ELP4: variants seen among roughly 807,000 people sequenced by gnomAD.
The protein encoded by ELP4 is elongator acetyltransferase complex subunit 4, also known as elongator complex protein 4.
In ELP4, 51 loss-of-function variants were observed where a neutral mutation model predicts 48.9. That is an observed-to-expected ratio of 1.04 (90% CI 0.83 to 1.32). The LOEUF is 1.32. Ranked by LOEUF, ELP4 falls within the 40% of genes most tolerant of loss-of-function variation. The pLI is 0.00. For missense variants in ELP4, 519 were observed against 514.6 expected (o/e 1.01, Z -0.08); for synonymous variants, 210 against 189.2 (o/e 1.11, Z -0.90).
chr11:31,761,861 C>G (rs1484674514), intron 9 of ELP4: 1 of 152,154 alleles, frequency 6.6e-6, no homozygotes, highest in Non-Finnish European at 1.5e-5. Flanking sequence ...ATACACAGAG[C>G]TCAGTTGGCA....
At chr11:31,692,389 C>T (rs1946298772) in intron 9 of ELP4, among the ~76,000 whole-genome samples, 1 of 152,126 alleles carries the variant, frequency 6.6e-6, no homozygotes, top group Admixed American at 6.6e-5. Context: ...ACATTAAGTA[C>T]TTCTAGTGAT....
intron 9 of ELP4, among the ~76,000 whole-genome samples, chr11:31,754,423 G>A (rs1219230648): frequency 1.3e-5 from 2 of 152,040 alleles, no homozygotes; most frequent in East Asian, 3.9e-4. Context: ...TGCCAACCAT[G>A]TTCTTACTTC....
At chr11:31,739,735 ATATCT>A (rs767877981) in intron 9 of ELP4, among the ~76,000 whole-genome samples, 27 of 152,308 alleles carry the variant, frequency 1.8e-4, no homozygotes, top group Non-Finnish European at 2.9e-4. Context: ...TTACCTACAA[ATATCT>A]TAGGTTATGT....
intron 5 of ELP4, among the ~76,000 whole-genome samples, chr11:31,624,182 C>G (rs1331274057): frequency 4.0e-5 from 6 of 151,692 alleles, no homozygotes; most frequent in African/African-American, 1.5e-4. Context: ...CCACCATATC[C>G]AACAACCCCA....
chr11:31,729,719 T>C (rs955835607), intron 9 of ELP4, among the ~76,000 whole-genome samples: 20 of 152,198 alleles, frequency 1.3e-4, no homozygotes, highest in African/African-American at 4.1e-4. Context: ...AAACAACCAG[T>C]TGGCTTATTA....
intron 2 of ELP4, among the ~76,000 whole-genome samples, chr11:31,533,540 G>T (rs1276268430): frequency 6.6e-6 from 1 of 151,412 alleles, no homozygotes; most frequent in South Asian, 2.1e-4. Flanking sequence ...ATCAAGCCCG[G>T]CTAATTTTTT....
intron 5 of ELP4, among the ~76,000 whole-genome samples, chr11:31,612,384 G>A (rs1272930291): frequency 3.3e-5 from 5 of 152,122 alleles, no homozygotes; most frequent in East Asian, 1.9e-4. Flanking sequence ...TTCATAGACC[G>A]GAAGAATACA....
intron 9 of ELP4, among the ~76,000 whole-genome samples, chr11:31,744,331 T>C (rs996671576): frequency 9.6e-4 from 146 of 152,278 alleles, no homozygotes; most frequent in South Asian, 1.2e-3. Flanking sequence ...GAGCTGGTAC[T>C]ATTCCTTCTG....
chr11:31,693,066 G>A (rs1444554680), intron 9 of ELP4, among the ~76,000 whole-genome samples: 3 of 152,124 alleles, frequency 2.0e-5, no homozygotes, highest in East Asian at 1.9e-4. Flanking sequence ...CGTGCCCCAT[G>A]TTTATTAGGG....
intron 3 of ELP4, among the ~76,000 whole-genome samples, chr11:31,549,203 C>T (rs375519344): frequency 1.3e-4 from 20 of 148,594 alleles, no homozygotes; most frequent in South Asian, 4.3e-4. Flanking sequence ...ACAGGCAACC[C>T]ACAAAATGGG....
intron 7 of ELP4, among the ~76,000 whole-genome samples, chr11:31,636,065 A>G (rs1944969109): frequency 6.6e-6 from 1 of 152,016 alleles, no homozygotes; most frequent in South Asian, 2.1e-4. Flanking sequence ...TGGTGATTGA[A>G]TGACTGTGGG....
At chr11:31,641,644 G>A (rs1297802419) in intron 7 of ELP4, among the ~76,000 whole-genome samples, 3 of 151,770 alleles carry the variant, frequency 2.0e-5, no homozygotes, top group Non-Finnish European at 4.4e-5. Flanking sequence ...CAAAATTCAA[G>A]CAGGTGAGGA....
At chr11:31,770,094 G>C (rs1365739912) in intron 9 of ELP4, among the ~76,000 whole-genome samples, 3 of 152,156 alleles carry the variant, frequency 2.0e-5, no homozygotes, top group Non-Finnish European at 4.4e-5. Context: ...GCAGGCACTA[G>C]ATCTGAAGCA....
chr11:31,751,739 G>A (rs186019645), intron 9 of ELP4, among the ~76,000 whole-genome samples: 68 of 151,984 alleles, frequency 4.5e-4, no homozygotes, highest in Admixed American at 3.1e-3. Flanking sequence ...TTAATTAATC[G>A]CCTTTTCACC....
intron 1 of ELP4, among the ~76,000 whole-genome samples, chr11:31,513,116 GATAAT>G (rs1204425266): frequency 6.6e-6 from 1 of 152,026 alleles, no homozygotes; most frequent in Non-Finnish European, 1.5e-5. Flanking sequence ...TGTAGCATGG[GATAAT>G]ATACATTGAG....
Position 31,517,229 on chromosome 11 carries a change from G to A in ELP4, c.224-2827G>A, listed in dbSNP as rs138582755. The stretch of plus-strand genomic sequence containing the variant: ...GACAGAGTCTTGCTATGTGGCCCAG[G>A]TTGGAGTGCAGTGGCATGATCTCAA... On this transcript the variant is annotated intron_variant, in intron 1 of 9. Coordinates refer to ENST00000640961, the MANE Select transcript of ELP4 (RefSeq NM_019040.5). 1.1e-3 allele frequency among the ~76,000 whole-genome samples: 173 copies of A among 151,950 alleles called. 2 individuals are homozygous for A. The highest frequency in any genetic ancestry group is 3.9e-3 in the African/African-American group (161 of 41,450).
intron 3 of ELP4, among the ~76,000 whole-genome samples, chr11:31,575,909 A>T (rs527348926): frequency 6.6e-6 from 1 of 152,176 alleles, no homozygotes; most frequent in Non-Finnish European, 1.5e-5. Flanking sequence ...GAGCTAACAT[A>T]ATAATGACAG....
chr11:31,587,640 A>G (rs932817950), intron 3 of ELP4, among the ~76,000 whole-genome samples: 13 of 151,974 alleles, frequency 8.6e-5, no homozygotes, highest in African/African-American at 3.1e-4. Context: ...GTTTTTTTCT[A>G]TAAAGTGTTA....
At chr11:31,730,855 A>G (rs1947170570) in intron 9 of ELP4, among the ~76,000 whole-genome samples, 1 of 152,160 alleles carries the variant, frequency 6.6e-6, no homozygotes, top group African/African-American at 2.4e-5. Context: ...GACCCAGCAT[A>G]TTCTAGATTC....
Sources: gnomAD v4.1 joint callset for allele counts (sites outside exome capture counted in the v4.1 genomes callset) on GRCh38, gnomAD v4.1.1 for gene constraint, MANE v1.5 for transcripts, NCBI Gene and HGNC (gene_info 2026-07-23, HGNC 2026-07-21) for gene names.